The following ARL11 variants were observed in gnomAD, a reference collection of about 807,000 sequenced individuals.
ARL11 encodes ARF like GTPase 11.
For missense variants in ARL11, 239 were observed against 250.6 expected, an observed-to-expected ratio of 0.95 and a Z score of 0.31; for synonymous variants, 91 against 111.2, an observed-to-expected ratio of 0.82 and a Z score of 1.15.
chr13:49,631,817 A>G lies in ARL11; in HGVS notation c.*779A>G, dbSNP rs953432768. 6.0e-6 allele frequency: 1 copy of G among 166,792 alleles called. No individual in the cohort carries two copies. Among genetic ancestry groups the G allele is most frequent in the Non-Finnish European group, 1.5e-5 (1 of 68,130 alleles). 10.3% of individuals were successfully genotyped at this position (166,792 alleles called of 1,614,324 possible). A position where few individuals can be genotyped will look rare whatever the true frequency, so the allele number is the denominator to read the frequency against. On this transcript the variant is annotated 3_prime_UTR_variant, in exon 2 of 2. Coordinates refer to ENST00000282026, the MANE Select transcript of ARL11 (RefSeq NM_138450.6). ...GTGCTGCTGCACTCCAGCCTGGGTG[A>G]AAAAGACAGGCTGTGTCTCCAAAAA...
chr13:49,630,330 C>T (rs920017121), intron 1 of ARL11, 100 bp from the exon 2 acceptor site: 5 of 854,828 alleles, frequency 5.8e-6, no homozygotes, highest in Non-Finnish European at 7.4e-6. Flanking sequence ...CCTTGGCCTC[C>T]CACAGTGCTG....
chr13:49,630,392 G>C lies in ARL11; in HGVS notation c.-18-38G>C, dbSNP rs1173485613. 2.1e-6 allele frequency: 3 copies of C among 1,406,964 alleles called. No individual in the cohort carries two copies. In the Admixed American group the frequency reaches 5.8e-5, roughly 27 times the overall value. The allele number at this position is 1,406,964 out of a possible 1,614,324, so 87.2% of individuals were successfully genotyped here. ...AGGATGGATTTGTCTTCCTTCAGAA[G>C]ACAGTAGCTGATGTGTGCCCTGGCC... is the stretch of plus-strand genomic sequence containing the variant. On this transcript the variant is annotated intron_variant, in intron 1 of 1. Coordinates refer to ENST00000282026, the MANE Select transcript of ARL11 (RefSeq NM_138450.6).
intron 1 of ARL11, among the ~76,000 whole-genome samples, chr13:49,629,377 C>G (rs898769309): frequency 6.6e-6 from 1 of 152,218 alleles, no homozygotes. Flanking sequence ...CTGCTTTGCT[C>G]TGACTCATAA....
Position 49,631,712 on chromosome 13 carries a change from C to CT in ARL11, c.*675dup, listed in dbSNP as rs1964889307. The CT allele has an allele frequency of 6.0e-6, 1 of 165,608 alleles. No homozygotes were observed. The highest frequency in any genetic ancestry group is 6.6e-5 in the Admixed American group (1 of 15,266). 10.3% of individuals were successfully genotyped at this position (165,608 alleles called of 1,614,324 possible). ...AAAAATTAGGCATAGTGGTGCACGC[C>CT]TGCAGTCCCAGCTACTCAGGAGGTT... On this transcript the variant is annotated 3_prime_UTR_variant, in exon 2 of 2. Transcript: ENST00000282026.
At chr13:49,629,010 C>T (rs1964853227) in intron 1 of ARL11, among the ~76,000 whole-genome samples, 1 of 152,174 alleles carries the variant, frequency 6.6e-6, no homozygotes, top group African/African-American at 2.4e-5. Context: ...ATCCCTTGAA[C>T]CTAGGAGGCG....
At position 49,633,084 on chromosome 13, in the gene ARL11, T is replaced by G. The variant is rs9526582; in HGVS notation, c.*2046T>G. 0.37 allele frequency: 62,434 copies of G among 166,662 alleles called. 13,678 individuals are homozygous for G. The highest frequency in any genetic ancestry group is 0.52 in the Non-Finnish European group (35,137 of 68,058). 10.3% of individuals were successfully genotyped at this position (166,662 alleles called of 1,614,324 possible). ...ATTCCCATTTTATAAAACTACAAAC[T>G]GAGGCTCAGAGAAGGTGTGACCTCT... is the stretch of plus-strand genomic sequence containing the variant. On this transcript the variant is annotated 3_prime_UTR_variant, in exon 2 of 2. Transcript: ENST00000282026.
rs745519193 is a variant in ARL11 at position 49,631,001 on chromosome 13, C to T, written c.554C>T (p.Ala185Val). ...SRSCMCLQARAHGAERGDSKR... is the reference protein window; with the variant it reads ...SRSCMCLQARVHGAERGDSKR... ...AGCTGCATGTGTCTGCAGGCGAGAG[C>T]CCATGGGGCTGAGCGCGGAGACAGC... Residue 185 changes from alanine to valine, a missense_variant, in exon 2 of 2, where the codon GCC becomes GTC. Coordinates refer to ENST00000282026, the MANE Select transcript of ARL11 (RefSeq NM_138450.6). 2.5e-6 allele frequency: 4 copies of T among 1,604,148 alleles called. No homozygotes were observed. The South Asian group carries it at 3.3e-5, about 13-fold the overall frequency.
At position 49,630,757 on chromosome 13, in the gene ARL11, A is replaced by G; in HGVS notation, c.310A>G (p.Thr104Ala). Residue 104 changes from threonine to alanine, a missense_variant, in exon 2 of 2, where the codon ACA becomes GCA. Coordinates refer to ENST00000282026, the MANE Select transcript of ARL11 (RefSeq NM_138450.6). ...CTTACCCGAGTCGGCGGCTGAGCTCACAGAAGTCCTGAACGACCCCAACAT... is the reference window on the plus strand; with the variant it reads ...CTTACCCGAGTCGGCGGCTGAGCTCGCAGAAGTCCTGAACGACCCCAACAT... ...ARLPESAAEL[T>A]EVLNDPNMAG... 6.2e-7 allele frequency: 1 copy of G among 1,614,062 alleles called. No homozygotes were observed. Among genetic ancestry groups the G allele is most frequent in the Non-Finnish European group, 8.5e-7 (1 of 1,179,990 alleles).
chr13:49,632,238 C>CA lies in ARL11; in HGVS notation c.*1208dup, dbSNP rs200803938. ...ATATTTTATTTATTCATTAATTTAA[C>CA]AAAAAAAACAGAGCATTTAGTTTGT... On this transcript the variant is annotated 3_prime_UTR_variant, in exon 2 of 2. Coordinates refer to ENST00000282026, the MANE Select transcript of ARL11 (RefSeq NM_138450.6). The CA allele has an allele frequency of 5.5e-3, 909 of 166,046 alleles. 6 individuals are homozygous for CA. The highest frequency in any genetic ancestry group is 0.018 in the African/African-American group (743 of 41,192). The allele number at this position is 166,046 out of a possible 1,614,324, so 10.3% of individuals were successfully genotyped here. A position where few individuals can be genotyped will look rare whatever the true frequency, so the allele number is the denominator to read the frequency against.
In ARL11 at chr13:49,630,822, G is replaced by A. The variant is rs1031176774; in HGVS notation, c.375G>A (p.Glu125=). ...VPFLVLANKQ[E]APDALPLLKI... is the part of the protein sequence containing the mutation. ...TCTTGGTGCTGGCCAACAAGCAGGA[G>A]GCACCTGATGCACTTCCGCTGCTTA... The change falls in exon 2 of 2, where the codon GAG becomes GAA. Residue 125 remains glutamate (E), a synonymous_variant. Transcript: ENST00000282026. The A allele has an allele frequency of 6.2e-7, 1 of 1,608,274 alleles. No homozygotes were observed. Among genetic ancestry groups the A allele is most frequent in the South Asian group, 1.1e-5 (1 of 90,858 alleles).
Position 49,630,447 on chromosome 13 carries a change from C to A in ARL11, c.-1C>A. 6.2e-7 allele frequency: 1 copy of A among 1,606,764 alleles called. No homozygotes were observed. Among genetic ancestry groups the A allele is most frequent in the South Asian group, 1.1e-5 (1 of 90,520 alleles). On this transcript the variant is annotated 5_prime_UTR_variant, in exon 2 of 2. Coordinates refer to ENST00000282026, the MANE Select transcript of ARL11 (RefSeq NM_138450.6). ...TCCCCTAGGATTCAGCAGTGGCCACCATGGGTTCTGTGAATTCCAGAGGTC... is the reference window on the plus strand; with the variant it reads ...TCCCCTAGGATTCAGCAGTGGCCACAATGGGTTCTGTGAATTCCAGAGGTC...
At position 49,630,680 on chromosome 13, in the gene ARL11, T is replaced by G. The variant is rs1156640192; in HGVS notation, c.233T>G (p.Leu78Arg). ...CTCAGAGCCAGCTGGAAGGACTATCTGGAAGGCACAGATATCCTCGTGTAC... is the reference window on the plus strand; with the variant it reads ...CTCAGAGCCAGCTGGAAGGACTATCGGGAAGGCACAGATATCCTCGTGTAC... ...APLRASWKDY[L>R]EGTDILVYVL... The change falls in exon 2 of 2, where the codon CTG becomes CGG. Residue 78 changes from leucine (L) to arginine (R), a missense_variant. Transcript: ENST00000282026. 1 of 1,614,132 alleles carries G rather than the reference T, an allele frequency of 6.2e-7. No homozygotes were observed. The highest frequency in any genetic ancestry group is 1.1e-5 in the South Asian group (1 of 91,078).
rs567358654 is a variant in ARL11, at chr13:49,630,891, C to G, written c.444C>G (p.Cys148Trp). 2 of 1,589,012 alleles carry G rather than the reference C, an allele frequency of 1.3e-6. No individual in the cohort carries two copies. Among genetic ancestry groups the G allele is most frequent in the East Asian group, 4.5e-5 (2 of 44,380 alleles). The change falls in exon 2 of 2, where the codon TGC (cysteine) becomes TGG (tryptophan). Residue 148 changes from cysteine to tryptophan, a missense_variant. Coordinates refer to ENST00000282026, the MANE Select transcript of ARL11 (RefSeq NM_138450.6). ...GTCTAGAGAGATTCCAGGACCACTGCTGGGAGCTCCGGGGCTGCAGTGCCC... is the reference window on the plus strand; with the variant it reads ...GTCTAGAGAGATTCCAGGACCACTGGTGGGAGCTCCGGGGCTGCAGTGCCC... The part of the protein sequence containing the change: ...RLSLERFQDH[C>W]WELRGCSALT...
Position 49,630,978 on chromosome 13 carries a change from C to G in ARL11, c.531C>G (p.Ser177Arg). ...QSLWSLLKSRSCMCLQARAHG... is the reference protein window; with the variant it reads ...QSLWSLLKSRRCMCLQARAHG... ...TGTGGAGCCTCCTGAAATCTCGCAG[C>G]TGCATGTGTCTGCAGGCGAGAGCCC... Residue 177 changes from serine to arginine, a missense_variant, in exon 2 of 2, where the codon AGC becomes AGG. Coordinates refer to ENST00000282026, the MANE Select transcript of ARL11 (RefSeq NM_138450.6). 2 of 1,609,542 alleles carry G rather than the reference C, an allele frequency of 1.2e-6. No homozygotes were observed. Among genetic ancestry groups the G allele is most frequent in the Non-Finnish European group, 1.7e-6 (2 of 1,177,904 alleles).
Position 49,630,847 on chromosome 13 carries a change from A to G in ARL11, c.400A>G (p.Lys134Glu), listed in dbSNP as rs1235262427. The stretch of plus-strand genomic sequence containing the variant: ...GGCACCTGATGCACTTCCGCTGCTT[A>G]AGATCAGAAACAGGCTGAGTCTAGA... Reference protein sequence around the residue: ...QEAPDALPLLKIRNRLSLERF... With the variant: ...QEAPDALPLLEIRNRLSLERF... The change falls in exon 2 of 2, where the codon AAG becomes GAG. Residue 134 changes from lysine to glutamate, a missense_variant. Physicochemically the swap from Lys to Glu is moderately conservative, Grantham distance 56 (BLOSUM62 1). Coordinates refer to ENST00000282026, the MANE Select transcript of ARL11 (RefSeq NM_138450.6). 6.2e-7 allele frequency: 1 copy of G among 1,601,554 alleles called. No homozygotes were observed.
At chr13:49,630,405 G>A (rs752410778) in intron 1 of ARL11, 25 bp from the exon 2 acceptor site, 23 of 1,488,862 alleles carry the variant, frequency 1.5e-5, no homozygotes, top group Middle Eastern at 1.8e-4. Context: ...AGTAGCTGAT[G>A]TGTGCCCTGG....
At position 49,630,641 on chromosome 13, in the gene ARL11, G is replaced by T. The variant is rs117251022; in HGVS notation, c.194G>T (p.Gly65Val). 2,993 of 1,614,134 alleles carry T rather than the reference G, an allele frequency of 1.9e-3. 8 individuals carry two copies. Among genetic ancestry groups the T allele is most frequent in the Non-Finnish European group, 2.0e-3 (2,358 of 1,180,032 alleles). ...GHVSLTLWDVGGQAPLRASWK... is the reference protein window; with the variant it reads ...GHVSLTLWDVVGQAPLRASWK... ...GTGTCACTGACTCTCTGGGACGTTG[G>T]GGGGCAGGCCCCGCTCAGAGCCAGC... Residue 65 changes from glycine to valine, a missense_variant, in exon 2 of 2, where the codon GGG (glycine) becomes GTG (valine). By Grantham distance (109) the Gly-to-Val change is moderately radical. Coordinates refer to ENST00000282026, the MANE Select transcript of ARL11 (RefSeq NM_138450.6).
Position 49,630,991 on chromosome 13 carries a change from C to T in ARL11, c.544C>T (p.Gln182Ter), listed in dbSNP as rs758972109. 5.0e-6 allele frequency: 8 copies of T among 1,607,006 alleles called. No homozygotes were observed. The East Asian group carries it at 1.3e-4, about 27-fold the overall frequency. ...GAAATCTCGCAGCTGCATGTGTCTG[C>T]AGGCGAGAGCCCATGGGGCTGAGCG... ...LLKSRSCMCLQARAHGAERGD... is the reference protein window; with the variant it reads ...LLKSRSCMCL The change falls in exon 2 of 2, where the codon CAG becomes TAG. Residue 182 changes from glutamine to a stop codon, truncating the protein, a stop_gained. Transcript: ENST00000282026. LOFTEE classifies it low-confidence loss of function (END_TRUNC).
chr13:49,629,070 A>T (rs754453092), intron 1 of ARL11, among the ~76,000 whole-genome samples: 2 of 152,256 alleles, frequency 1.3e-5, no homozygotes, highest in Admixed American at 1.3e-4. Context: ...GCACCACTGC[A>T]CTCCAGTCTG....
Sources: gnomAD v4.1 joint callset for allele counts (sites outside exome capture counted in the v4.1 genomes callset) on GRCh38, gnomAD v4.1.1 for gene constraint, MANE v1.5 for transcripts, NCBI Gene and HGNC (gene_info 2026-07-23, HGNC 2026-07-21) for gene names.